RANBP2: variants seen among roughly 807,000 people sequenced by gnomAD.
The protein encoded by RANBP2 is RAN binding protein 2.
A neutral mutation model predicts 303.6 loss-of-function variants in RANBP2; 57 were observed. The observed-to-expected ratio is 0.19, with a 90% confidence interval of 0.15 to 0.23. The LOEUF (loss-of-function observed/expected upper bound fraction) is 0.23, where lower values mean the gene tolerates loss of function less well. Ranked by LOEUF, RANBP2 falls within the 10% of genes least tolerant of loss-of-function variation. RANBP2 has a pLI of 1.00. For synonymous variants in RANBP2, 1,167 were observed against 1,301.5 expected (o/e 0.90, Z 2.23); for missense variants, 3,138 against 3,780.8 (o/e 0.83, Z 4.46).
chr2:109,128,972 G>A, the RANBP2 span: 1 of 421,394 alleles, frequency 2.4e-6, no homozygotes, highest in Non-Finnish European at 4.7e-6. Flanking sequence ...ACCTCCGCGC[G>A]CACCCCCGCG....
the RANBP2 span, among the ~76,000 whole-genome samples, chr2:108,866,078 A>G: frequency 6.6e-6 from 1 of 152,176 alleles, no homozygotes; most frequent in South Asian, 2.1e-4. Flanking sequence ...ACTGGCTTTG[A>G]TGTGACTGGT....
the RANBP2 span, among the ~76,000 whole-genome samples, chr2:109,701,714 G>A: frequency 6.6e-6 from 1 of 152,156 alleles, no homozygotes; most frequent in Non-Finnish European, 1.5e-5. Context: ...TGTGAGGGAG[G>A]TATCTTTGTA....
Position 108,737,335 on chromosome 2 carries a change from CT to C in RANBP2, c.782+1100del, listed in dbSNP as rs201427498. Among the ~76,000 whole-genome samples the C allele has an allele frequency of 7.5e-3, 882 of 116,958 alleles. 2 individuals carry two copies. Among genetic ancestry groups the C allele is most frequent in the South Asian group, 0.025 (98 of 3,858 alleles). The allele number at this position is 116,958 out of a possible 152,430, so 76.7% of individuals were successfully genotyped here. A position where few individuals can be genotyped will look rare whatever the true frequency, so the allele number is the denominator to read the frequency against. On this transcript the variant is annotated intron_variant, in intron 6 of 28. Transcript: ENST00000283195. ...GGTTCCTTTTTTTCTTTCTTTCTTT[CT>C]TTTTTTTTTTTTTGTTTTTTTGAGA...
At chr2:108,856,960 G>C in the RANBP2 span, 3 of 1,593,116 alleles carry the variant, frequency 1.9e-6, no homozygotes, top group South Asian at 2.3e-5. Flanking sequence ...TCCAGATGAC[G>C]GTGGAATCTA....
At chr2:109,186,762 G>T in the RANBP2 span, among the ~76,000 whole-genome samples, 1 of 152,108 alleles carries the variant, frequency 6.6e-6, no homozygotes, top group Non-Finnish European at 1.5e-5. Context: ...GGCAGCATGT[G>T]GGAATGCAGA....
the RANBP2 span, among the ~76,000 whole-genome samples, chr2:108,965,113 C>G: frequency 0.024 from 3,691 of 151,510 alleles, 142 homozygotes; most frequent in African/African-American, 0.084. Context: ...ATGTGTGTGT[C>G]TGTGTGTGTG....
At chr2:109,688,781 T>TAAAAA in the RANBP2 span, among the ~76,000 whole-genome samples, 65 of 43,730 alleles carry the variant, frequency 1.5e-3, 9 homozygotes, top group African/African-American at 5.3e-3. Context: ...TCTGTCTCAA[T>TAAAAA]AAAAAAAAAA....
chr2:109,451,310 T>A, the RANBP2 span, among the ~76,000 whole-genome samples: 33 of 152,282 alleles, frequency 2.2e-4, no homozygotes, highest in African/African-American at 7.7e-4. Flanking sequence ...TGTGGCTGGG[T>A]CTCATCAGGA....
chr2:108,734,486 G>A (rs368481756), intron 4 of RANBP2, among the ~76,000 whole-genome samples: 3 of 68,264 alleles, frequency 4.4e-5, no homozygotes, highest in Non-Finnish European at 7.7e-5. Context: ...ACCAGTTTGG[G>A]GGTTCTTCTG....
the RANBP2 span, among the ~76,000 whole-genome samples, chr2:109,628,436 G>A: frequency 1.3e-5 from 2 of 152,050 alleles, no homozygotes; most frequent in African/African-American, 4.8e-5. Flanking sequence ...AGAAGTTGCA[G>A]TGAGTGGAGA....
At chr2:108,768,640 G>T (rs1459604902) in intron 20 of RANBP2, among the ~76,000 whole-genome samples, 2 of 152,138 alleles carry the variant, frequency 1.3e-5, no homozygotes, top group African/African-American at 4.8e-5. Context: ...AAAGAACTCG[G>T]TACGGTATAC....
At chr2:109,023,859 TAACA>T in the RANBP2 span, among the ~76,000 whole-genome samples, 2 of 152,170 alleles carry the variant, frequency 1.3e-5, no homozygotes, top group African/African-American at 4.8e-5. Flanking sequence ...AATTTCTACC[TAACA>T]GTCTCTTCTC....
chr2:109,295,426 A>T, the RANBP2 span, among the ~76,000 whole-genome samples: 1 of 152,232 alleles, frequency 6.6e-6, no homozygotes, highest in Non-Finnish European at 1.5e-5. Context: ...TAAAGAACTC[A>T]GGGCGGGAGC....
chr2:108,994,892 C>T, the RANBP2 span, among the ~76,000 whole-genome samples: 2 of 142,418 alleles, frequency 1.4e-5, no homozygotes, highest in Non-Finnish European at 3.0e-5. Context: ...TGCAGTGGTG[C>T]AATCTCGGCT....
At chr2:109,732,942 A>G in the RANBP2 span, 3 of 672,932 alleles carry the variant, frequency 4.5e-6, no homozygotes, top group East Asian at 3.3e-5. Flanking sequence ...GAACTGTCAA[A>G]CGGTGAAAAA....
chr2:109,418,680 A>G, the RANBP2 span, among the ~76,000 whole-genome samples: 1 of 152,184 alleles, frequency 6.6e-6, no homozygotes, highest in Non-Finnish European at 1.5e-5. Flanking sequence ...CCTATTCCAG[A>G]TAAGACCACA....
At chr2:108,849,618 A>G in the RANBP2 span, among the ~76,000 whole-genome samples, 1 of 152,172 alleles carries the variant, frequency 6.6e-6, no homozygotes, top group Non-Finnish European at 1.5e-5. Flanking sequence ...TTCCTGCCTA[A>G]CAGATACCCT....
the RANBP2 span, among the ~76,000 whole-genome samples, chr2:109,470,647 G>T: frequency 6.6e-6 from 1 of 152,204 alleles, no homozygotes; most frequent in Non-Finnish European, 1.5e-5. Context: ...ACAGTGCCAC[G>T]CATGGGGTGC....
chr2:109,294,042 T>C, the RANBP2 span, among the ~76,000 whole-genome samples: 3 of 152,310 alleles, frequency 2.0e-5, no homozygotes, highest in Middle Eastern at 6.8e-3. Flanking sequence ...AATGGTCTTT[T>C]CTCTGCCTGG....
Sources: gnomAD v4.1 joint callset for allele counts (sites outside exome capture counted in the v4.1 genomes callset) on GRCh38, gnomAD v4.1.1 for gene constraint, MANE v1.5 for transcripts, NCBI Gene and HGNC (gene_info 2026-07-23, HGNC 2026-07-21) for gene names.